FGF7: variants seen among roughly 807,000 people sequenced by gnomAD.
FGF7 encodes fibroblast growth factor 7.
Under a neutral mutation model 20.5 loss-of-function variants are expected in FGF7, and 6 were observed. That is an observed-to-expected ratio of 0.29 (90% CI 0.16 to 0.58). The LOEUF is 0.58. Ranked by LOEUF, FGF7 falls within the 20% of genes least tolerant of loss-of-function variation. FGF7 has a pLI of 0.90. For synonymous variants in FGF7, 64 were observed against 74.7 expected (o/e 0.86, Z 0.74); for missense variants, 144 against 228.8 (o/e 0.63, Z 2.39).
intron 2 of FGF7, among the ~76,000 whole-genome samples, chr15:49,447,030 C>T (rs1225226582): frequency 1.3e-5 from 2 of 151,462 alleles, no homozygotes; most frequent in Non-Finnish European, 3.0e-5. Context: ...TGCGGGAACT[C>T]ATCCTGAATA....
intron 2 of FGF7, among the ~76,000 whole-genome samples, chr15:49,475,652 T>C (rs1597434885): frequency 6.6e-6 from 1 of 152,200 alleles, no homozygotes; most frequent in East Asian, 1.9e-4. Flanking sequence ...GATATTTTTT[T>C]TACTTTGTAA....
chr15:49,425,321 C>T (rs764962468), intron 2 of FGF7: 4 of 151,960 alleles, frequency 2.6e-5, no homozygotes, highest in Non-Finnish European at 4.4e-5. Context: ...TAAAGCCTTA[C>T]ATTTTTCCCA....
chr15:49,471,559 A>G (rs2054768445), intron 2 of FGF7, among the ~76,000 whole-genome samples: 1 of 151,022 alleles, frequency 6.6e-6, no homozygotes, highest in East Asian at 1.9e-4. Flanking sequence ...ATTTATATAC[A>G]GAAGAAAGAT....
At chr15:49,471,903 C>T (rs1057400055) in intron 2 of FGF7, among the ~76,000 whole-genome samples, 13 of 151,872 alleles carry the variant, frequency 8.6e-5, no homozygotes, top group South Asian at 2.1e-4. Context: ...ATGACAGCAC[C>T]GGAAGAAACT....
chr15:49,475,496 T>A (rs1427736796), intron 2 of FGF7, among the ~76,000 whole-genome samples: 1 of 152,162 alleles, frequency 6.6e-6, no homozygotes, highest in African/African-American at 2.4e-5. Flanking sequence ...GGCTTGCAAA[T>A]GTATTTAAAC....
intron 2 of FGF7, among the ~76,000 whole-genome samples, chr15:49,434,947 ATATATTTTTTCTGAATAACTG>A (rs1280523255): frequency 6.6e-6 from 1 of 151,580 alleles, no homozygotes; most frequent in Non-Finnish European, 1.5e-5. Flanking sequence ...AATTGGAATA[ATATATTTTTTCTGAATAACTG>A]CATATTTTTC....
rs543787064 is a variant in FGF7, at chr15:49,439,478, G to C, written c.286+14895G>C. 2.2e-4 allele frequency among the ~76,000 whole-genome samples: 34 copies of C among 151,868 alleles called. No individual in the cohort carries two copies. In the South Asian group the frequency reaches 7.0e-3, roughly 31 times the overall value. On this transcript the variant is annotated intron_variant, in intron 2 of 3. Coordinates refer to ENST00000267843, the MANE Select transcript of FGF7 (RefSeq NM_002009.4). ...TGTGAATAGTGAATACTAAGTGTTA[G>C]GGATCATTGGGGCCAAACCACGGAC...
At chr15:49,443,688 A>G (rs2051895441) in intron 2 of FGF7, among the ~76,000 whole-genome samples, 1 of 151,854 alleles carries the variant, frequency 6.6e-6, no homozygotes, top group Admixed American at 6.6e-5. Flanking sequence ...TCATTCATTT[A>G]CCTTCTTCTT....
intron 2 of FGF7, among the ~76,000 whole-genome samples, chr15:49,465,178 AGAGTG>A (rs1268240981): frequency 6.6e-6 from 1 of 152,048 alleles, no homozygotes; most frequent in Non-Finnish European, 1.5e-5. Flanking sequence ...TGCTCAGGCT[AGAGTG>A]CAGTAACACG....
At chr15:49,465,950 T>G (rs1450001141) in intron 2 of FGF7, among the ~76,000 whole-genome samples, 1 of 152,178 alleles carries the variant, frequency 6.6e-6, no homozygotes, top group Non-Finnish European at 1.5e-5. Context: ...TACCAAGTAC[T>G]GGGGGTTAGC....
intron 2 of FGF7, among the ~76,000 whole-genome samples, chr15:49,470,328 T>G (rs753213019): frequency 5.3e-5 from 8 of 152,174 alleles, no homozygotes; most frequent in Non-Finnish European, 1.0e-4. Context: ...AAGTCAGATA[T>G]GAAATTTTTT....
At chr15:49,434,668 T>C (rs977849964) in intron 2 of FGF7, 8 of 151,654 alleles carry the variant, frequency 5.3e-5, no homozygotes, top group Admixed American at 4.0e-4. Flanking sequence ...AGGTTTTTTT[T>C]CTATTAAAAA....
In FGF7 at chr15:49,457,420, T is replaced by TG. The variant is rs1202431767; in HGVS notation, c.287-25729dup. The stretch of plus-strand genomic sequence containing the variant: ...ATTCAAATTTCAAAGCTGAATGGTT[T>TG]GGAAAATTATGATGCCATTAACTAA... On this transcript the variant is annotated intron_variant, in intron 2 of 3. Transcript: ENST00000267843. 2.6e-5 allele frequency among the ~76,000 whole-genome samples: 4 copies of TG among 152,150 alleles called. No individual in the cohort carries two copies. In the East Asian group the frequency reaches 7.7e-4, roughly 29 times the overall value.
intron 2 of FGF7, among the ~76,000 whole-genome samples, chr15:49,474,882 C>T (rs2055107476): frequency 6.6e-6 from 1 of 152,112 alleles, no homozygotes; most frequent in Non-Finnish European, 1.5e-5. Flanking sequence ...CCTGAACCTC[C>T]CCCCGGCTCC....
At chr15:49,451,842 A>G (rs1235353795) in intron 2 of FGF7, among the ~76,000 whole-genome samples, 1 of 152,058 alleles carries the variant, frequency 6.6e-6, no homozygotes, top group Admixed American at 6.6e-5. Flanking sequence ...ACCTAGGAGG[A>G]AAAAACTAAG....
intron 2 of FGF7, among the ~76,000 whole-genome samples, chr15:49,465,637 T>G (rs2054204720): frequency 6.6e-6 from 1 of 152,174 alleles, no homozygotes; most frequent in Admixed American, 6.5e-5. Context: ...TATTTGGGGT[T>G]CTCTCAACTT....
chr15:49,454,595 CTTTA>C (rs892853325), intron 2 of FGF7, among the ~76,000 whole-genome samples: 4 of 152,012 alleles, frequency 2.6e-5, no homozygotes, highest in African/African-American at 7.2e-5. Context: ...TAATTATACT[CTTTA>C]TTTATTTTAT....
chr15:49,482,445 A>C (rs2152018834), intron 2 of FGF7, among the ~76,000 whole-genome samples: 1 of 152,244 alleles, frequency 6.6e-6, no homozygotes, highest in Admixed American at 6.5e-5. Context: ...CTTTTAATGT[A>C]TCAAAATACT....
At chr15:49,444,021 C>T (rs1003618090) in intron 2 of FGF7, among the ~76,000 whole-genome samples, 4 of 151,568 alleles carry the variant, frequency 2.6e-5, no homozygotes, top group Non-Finnish European at 4.4e-5. Flanking sequence ...ATAAACACAT[C>T]AGAATAGCAG....
Sources: gnomAD v4.1 joint callset for allele counts (sites outside exome capture counted in the v4.1 genomes callset) on GRCh38, gnomAD v4.1.1 for gene constraint, MANE v1.5 for transcripts, NCBI Gene and HGNC (gene_info 2026-07-23, HGNC 2026-07-21) for gene names.